Variants in CELF2 observed in about 807,000 individuals in gnomAD.
The protein encoded by CELF2 is CUG triplet repeat RNA-binding protein 2.
CELF2 carries 8 observed loss-of-function variants against 62.6 expected under a neutral mutation model. That is an observed-to-expected ratio of 0.13 (90% confidence interval 0.07 to 0.23). The LOEUF is 0.23. Ranked by LOEUF, CELF2 falls within the 10% of genes least tolerant of loss-of-function variation. The pLI is 1.00. For missense variants in CELF2, 333 were observed against 671.0 expected (o/e 0.50, Z 5.56); for synonymous variants, 258 against 250.0 (o/e 1.03, Z -0.30).
At chr10:10,628,674 T>C in the CELF2 span, among the ~76,000 whole-genome samples, 3 of 152,342 alleles carry the variant, frequency 2.0e-5, no homozygotes, top group Admixed American at 1.3e-4. Context: ...CCACATTTTC[T>C]TAATCCAGTC....
chr10:10,821,079 G>GA (rs1292143864), intron 1 of CELF2, among the ~76,000 whole-genome samples: 1 of 152,246 alleles, frequency 6.6e-6, no homozygotes, highest in Non-Finnish European at 1.5e-5. Flanking sequence ...TTGTGGGGCT[G>GA]AAGGAAAAGA....
exon 1 of CELF2, chr10:10,798,715 C>T (rs1187947212): frequency 1.0e-5 from 4 of 398,722 alleles, no homozygotes; most frequent in Non-Finnish European, 1.3e-5. Flanking sequence ...CCCCAGCACC[C>T]CATCCCCGCC....
intron 2 of CELF2, among the ~76,000 whole-genome samples, chr10:11,189,446 G>A (rs1269823684): frequency 1.3e-5 from 2 of 152,180 alleles, no homozygotes; most frequent in African/African-American, 4.8e-5. Flanking sequence ...AACATATAAT[G>A]TAATCGTTGA....
chr10:11,278,334 C>T (rs111975752), intron 8 of CELF2, among the ~76,000 whole-genome samples: 1,666 of 152,262 alleles, frequency 0.011, 25 homozygotes, highest in African/African-American at 0.037. Flanking sequence ...TATAAATTGA[C>T]GGCTTTTATA....
intron 2 of CELF2, among the ~76,000 whole-genome samples, chr10:11,204,593 G>A (rs759177346): frequency 7.9e-5 from 12 of 152,246 alleles, no homozygotes; most frequent in Non-Finnish European, 1.2e-4. Context: ...GCAGCCACCC[G>A]CAGAGAGCTG....
chr10:11,250,090 A>G (rs2076694893), intron 4 of CELF2, among the ~76,000 whole-genome samples: 1 of 152,236 alleles, frequency 6.6e-6, no homozygotes. Context: ...AAATCTCTCC[A>G]CAAGGTATTT....
the CELF2 span, among the ~76,000 whole-genome samples, chr10:10,527,245 C>A: frequency 6.6e-6 from 1 of 152,050 alleles, no homozygotes; most frequent in Non-Finnish European, 1.5e-5. Context: ...AGTTCAAAAC[C>A]AGCCTGGCCA....
chr10:11,202,802 A>G (rs1466019451), intron 2 of CELF2, among the ~76,000 whole-genome samples: 1 of 152,146 alleles, frequency 6.6e-6, no homozygotes, highest in Admixed American at 6.6e-5. Context: ...GCAGGAGAGT[A>G]CAGCAGAGGC....
At chr10:10,848,907 G>A (rs753470300) in intron 1 of CELF2, among the ~76,000 whole-genome samples, 3 of 152,056 alleles carry the variant, frequency 2.0e-5, no homozygotes, top group African/African-American at 7.2e-5. Context: ...TCTAAAGCCC[G>A]TGACTATTGG....
chr10:11,200,918 T>C (rs1241733499), intron 2 of CELF2, among the ~76,000 whole-genome samples: 2 of 152,240 alleles, frequency 1.3e-5, no homozygotes, highest in African/African-American at 4.8e-5. Flanking sequence ...GAGGATGAAA[T>C]GTCAGATATT....
intron 1 of CELF2, among the ~76,000 whole-genome samples, chr10:10,878,964 T>G (rs1227712862): frequency 2.0e-5 from 3 of 152,148 alleles, no homozygotes; most frequent in African/African-American, 7.2e-5. Context: ...ATTTCATCCT[T>G]TACTTTTCAC....
chr10:10,522,499 A>C, the CELF2 span, among the ~76,000 whole-genome samples: 1 of 152,242 alleles, frequency 6.6e-6, no homozygotes, highest in South Asian at 2.1e-4. Context: ...GGGCACTCCA[A>C]GGTACATATT....
chr10:10,666,997 A>G, the CELF2 span, among the ~76,000 whole-genome samples: 1 of 152,196 alleles, frequency 6.6e-6, no homozygotes, highest in Non-Finnish European at 1.5e-5. Flanking sequence ...CACAGCATAC[A>G]TTTATAAGCC....
intron 1 of CELF2, among the ~76,000 whole-genome samples, chr10:11,119,869 C>CCCCCCT (rs758205844): frequency 1.5e-5 from 2 of 132,952 alleles, no homozygotes; most frequent in Non-Finnish European, 3.4e-5. Context: ...CCGCCTCCCC[C>CCCCCCT]CCCCCGGCCC....
intron 5 of CELF2, among the ~76,000 whole-genome samples, chr10:11,261,127 A>G (rs928490510): frequency 2.6e-5 from 4 of 152,228 alleles, no homozygotes; most frequent in Non-Finnish European, 5.9e-5. Context: ...CTCTTGGATT[A>G]TGGTGAGGGA....
At chr10:11,108,977 A>G (rs139135817) in intron 1 of CELF2, among the ~76,000 whole-genome samples, 1,994 of 152,218 alleles carry the variant, frequency 0.013, 43 homozygotes, top group Admixed American at 0.046. Flanking sequence ...AGTTTTGTCT[A>G]CTGTGTCCTT....
chr10:10,716,350 G>A, the CELF2 span, among the ~76,000 whole-genome samples: 1 of 152,176 alleles, frequency 6.6e-6, no homozygotes, highest in East Asian at 1.9e-4. Flanking sequence ...AGACCAGCCT[G>A]GGCAACATGG....
the CELF2 span, among the ~76,000 whole-genome samples, chr10:10,584,520 T>C: frequency 6.6e-6 from 1 of 152,230 alleles, no homozygotes; most frequent in Non-Finnish European, 1.5e-5. Context: ...TTTGTCTGCC[T>C]ATTAAGCTGG....
At chr10:11,058,262 G>T (rs1453091288) in intron 1 of CELF2, among the ~76,000 whole-genome samples, 4 of 152,114 alleles carry the variant, frequency 2.6e-5, no homozygotes, top group African/African-American at 9.7e-5. Flanking sequence ...CCTGTAGTCT[G>T]ACTGTATATA....
Sources: gnomAD v4.1 joint callset for allele counts (sites outside exome capture counted in the v4.1 genomes callset) on GRCh38, gnomAD v4.1.1 for gene constraint, MANE v1.5 for transcripts, NCBI Gene and HGNC (gene_info 2026-07-23, HGNC 2026-07-21) for gene names.